The following NINJ2 variants were observed in gnomAD, a reference collection of about 807,000 sequenced individuals.
NINJ2 encodes ninjurin 2, also known as ninjurin-2.
A neutral mutation model predicts 11.7 loss-of-function variants in NINJ2; 12 were observed. The observed-to-expected ratio is 1.02, with a 90% CI of 0.66 to 1.66. The LOEUF (loss-of-function observed/expected upper bound fraction) is 1.66. Ranked by LOEUF, NINJ2 falls within the 40% of genes most tolerant of loss-of-function variation. The pLI is 0.00. For synonymous variants in NINJ2, 93 were observed against 76.8 expected (o/e 1.21, Z -1.10); for missense variants, 187 against 181.8 (o/e 1.03, Z -0.16).
chr12:592,288 C>T (rs1947726549), intron 1 of NINJ2, among the ~76,000 whole-genome samples: 1 of 152,124 alleles, frequency 6.6e-6, no homozygotes, highest in Non-Finnish European at 1.5e-5. Flanking sequence ...AGGGAGTCAT[C>T]GTCATTGCCG....
chr12:617,887 C>A (rs1451275032), intron 1 of NINJ2, among the ~76,000 whole-genome samples: 1 of 152,152 alleles, frequency 6.6e-6, no homozygotes. Context: ...CCCTGACACT[C>A]AAGTCCATCC....
chr12:570,157 G>T (rs1231205568), intron 1 of NINJ2, among the ~76,000 whole-genome samples: 1 of 152,232 alleles, frequency 6.6e-6, no homozygotes, highest in Non-Finnish European at 1.5e-5. Context: ...GCCAGCGTGG[G>T]GTGGGGGGAC....
intron 1 of NINJ2, among the ~76,000 whole-genome samples, chr12:607,999 G>A (rs1026491217): frequency 1.3e-5 from 2 of 152,226 alleles, no homozygotes; most frequent in African/African-American, 4.8e-5. Flanking sequence ...GGAAGCTGGG[G>A]CTTAAAAGGA....
At chr12:624,048 A>G (rs1948185004) in intron 1 of NINJ2, among the ~76,000 whole-genome samples, 1 of 152,160 alleles carries the variant, frequency 6.6e-6, no homozygotes, top group Non-Finnish European at 1.5e-5. Flanking sequence ...AAACAAAAAC[A>G]AAAACAAAAA....
At chr12:578,900 GC>G (rs2120825494) in intron 1 of NINJ2, among the ~76,000 whole-genome samples, 1 of 152,324 alleles carries the variant, frequency 6.6e-6, no homozygotes, top group Admixed American at 6.5e-5. Context: ...AGGGTCTAGT[GC>G]TTTTATTCCC....
At chr12:619,584 C>T (rs762436525) in intron 1 of NINJ2, among the ~76,000 whole-genome samples, 3 of 152,146 alleles carry the variant, frequency 2.0e-5, no homozygotes, top group Non-Finnish European at 4.4e-5. Context: ...ATATTGCCTG[C>T]GGAGTCCTCC....
intron 1 of NINJ2, among the ~76,000 whole-genome samples, chr12:569,677 A>T (rs2607941): frequency 0.18 from 26,836 of 152,196 alleles, 3,521 homozygotes; most frequent in African/African-American, 0.37. Flanking sequence ...GGGTGAGTAC[A>T]CGGGCAGCAC....
chr12:651,306 G>C (rs1309695244), intron 1 of NINJ2, among the ~76,000 whole-genome samples: 2 of 152,186 alleles, frequency 1.3e-5, no homozygotes, highest in Non-Finnish European at 2.9e-5. Context: ...CTTTGCTGGG[G>C]TTTTATTAGA....
At chr12:620,379 A>T (rs1948137969) in intron 1 of NINJ2, among the ~76,000 whole-genome samples, 1 of 152,250 alleles carries the variant, frequency 6.6e-6, no homozygotes, top group African/African-American at 2.4e-5. Context: ...CTCAGACAGT[A>T]TGGGGTCCCT....
chr12:587,400 T>G (rs886332979), intron 1 of NINJ2, among the ~76,000 whole-genome samples: 6 of 152,234 alleles, frequency 3.9e-5, no homozygotes, highest in Non-Finnish European at 8.8e-5. Context: ...GTGTCCACTT[T>G]TATTGTGCAG....
chr12:569,618 T>G (rs1348600368), intron 1 of NINJ2, among the ~76,000 whole-genome samples: 1 of 152,150 alleles, frequency 6.6e-6, no homozygotes, highest in Non-Finnish European at 1.5e-5. Context: ...TAGTGGCATG[T>G]GTTGAGCACT....
At chr12:602,611 T>C (rs1006481570) in intron 1 of NINJ2, among the ~76,000 whole-genome samples, 1 of 152,212 alleles carries the variant, frequency 6.6e-6, no homozygotes, top group Non-Finnish European at 1.5e-5. Flanking sequence ...TGAATGTATA[T>C]ACCTAGGAGT....
At chr12:652,017 G>T (rs1216682438) in intron 1 of NINJ2, among the ~76,000 whole-genome samples, 1 of 151,918 alleles carries the variant, frequency 6.6e-6, no homozygotes, top group Non-Finnish European at 1.5e-5. Context: ...GAAAGGAACA[G>T]AAAAAATATT....
chr12:572,231 G>A (rs945356834), intron 1 of NINJ2, among the ~76,000 whole-genome samples: 2 of 152,176 alleles, frequency 1.3e-5, no homozygotes, highest in African/African-American at 4.8e-5. Flanking sequence ...CTGAGAGGCC[G>A]CTGCAGGGCA....
At chr12:604,995 AT>A (rs1299175440) in intron 1 of NINJ2, among the ~76,000 whole-genome samples, 1 of 152,120 alleles carries the variant, frequency 6.6e-6, no homozygotes, top group Admixed American at 6.5e-5. Flanking sequence ...TGTGTTTAGG[AT>A]TTTCACGGAA....
chr12:598,801 G>T (rs1170628626), intron 1 of NINJ2, among the ~76,000 whole-genome samples: 1 of 151,906 alleles, frequency 6.6e-6, no homozygotes, highest in South Asian at 2.1e-4. Flanking sequence ...CTGGGCTCTA[G>T]CGATCCTCCC....
chr12:575,640 C>T (rs1947446286), intron 1 of NINJ2, among the ~76,000 whole-genome samples: 1 of 152,240 alleles, frequency 6.6e-6, no homozygotes, highest in African/African-American at 2.4e-5. Flanking sequence ...ACACGGACCC[C>T]ATCTTCCACA....
intron 1 of NINJ2, among the ~76,000 whole-genome samples, chr12:606,636 G>C (rs1250419257): frequency 6.6e-6 from 1 of 152,186 alleles, no homozygotes; most frequent in African/African-American, 2.4e-5. Flanking sequence ...GGAGTGAAAT[G>C]GCACTCGATG....
rs58255301 is a variant in NINJ2, at chr12:649,531, G to GTATATATATATATATATATATATATATA, written c.33+13796_33+13797insTATATATATATATATATATATATATATA. On this transcript the variant is annotated intron_variant, in intron 1 of 3. Coordinates refer to ENST00000305108, the MANE Select transcript of NINJ2 (RefSeq NM_016533.6). ...AGTGAATATGTGTGTGTGTATATGT[G>GTATATATATATATATATATATATATATA]TATATATATATATATATATATAGTA... Among the ~76,000 whole-genome samples, 266 of 127,582 alleles carry GTATATATATATATATATATATATATATA rather than the reference G, an allele frequency of 2.1e-3. 5 individuals are homozygous for GTATATATATATATATATATATATATATA. Among genetic ancestry groups the GTATATATATATATATATATATATATATA allele is most frequent in the East Asian group, 2.8e-3 (11 of 3,936 alleles). 83.7% of individuals were successfully genotyped at this position (127,582 alleles called of 152,430 possible).
Sources: allele counts gnomAD v4.1 joint callset (sites outside exome capture counted in the v4.1 genomes callset), GRCh38; gene constraint gnomAD v4.1.1; transcripts MANE v1.5; gene names NCBI Gene and HGNC (gene_info 2026-07-23, HGNC 2026-07-21).